The following DLGAP4 variants were observed in gnomAD, a reference collection of about 807,000 sequenced individuals.
The protein encoded by DLGAP4 is disks large-associated protein 4.
Under a neutral mutation model 86.9 loss-of-function variants are expected in DLGAP4, and 18 were observed. The ratio of observed to expected loss-of-function variants is 0.21; its 90% CI spans 0.14 to 0.31. The LOEUF (loss-of-function observed/expected upper bound fraction) is 0.31. DLGAP4 is among the 10% of genes least tolerant of loss of function. DLGAP4 has a pLI of 1.00. For missense variants in DLGAP4, 1,085 were observed against 1,362.6 expected (o/e 0.80, Z 3.21); for synonymous variants, 548 against 574.3 (o/e 0.95, Z 0.65).
intron 1 of DLGAP4, among the ~76,000 whole-genome samples, chr20:36,345,759 A>G (rs564482272): frequency 6.6e-6 from 1 of 151,800 alleles, no homozygotes; most frequent in East Asian, 1.9e-4. Context: ...TCCTGATCCT[A>G]TTACTTTTTT....
At chr20:36,423,450 C>A (rs529970536) in intron 2 of DLGAP4, among the ~76,000 whole-genome samples, 5 of 104,824 alleles carry the variant, frequency 4.8e-5, no homozygotes, top group African/African-American at 2.0e-4. Flanking sequence ...AGCAAGACTC[C>A]GTCTCAAAAA....
At chr20:36,326,392 G>A (rs1245638018) in intron 1 of DLGAP4, among the ~76,000 whole-genome samples, 1 of 151,438 alleles carries the variant, frequency 6.6e-6, no homozygotes, top group Non-Finnish European at 1.5e-5. Flanking sequence ...TTATTTTAGT[G>A]CTTGCAGTAT....
intron 8 of DLGAP4, chr20:36,498,445 A>G (rs1171331183): frequency 6.6e-6 from 1 of 152,284 alleles, no homozygotes; most frequent in East Asian, 1.9e-4. Flanking sequence ...CTTCCCGGAA[A>G]GCCTAAGAGT....
chr20:36,497,688 G>C (rs143343128), intron 8 of DLGAP4: 18 of 976,354 alleles, frequency 1.8e-5, no homozygotes, highest in Non-Finnish European at 2.1e-5. Flanking sequence ...GGGTCCAGGC[G>C]ATGGTTCCCC....
chr20:36,420,582 A>T (rs762318658), intron 2 of DLGAP4, among the ~76,000 whole-genome samples: 1 of 152,174 alleles, frequency 6.6e-6, no homozygotes, highest in Non-Finnish European at 1.5e-5. Context: ...CCACACCTGT[A>T]ATCCCAGCAC....
intron 2 of DLGAP4, among the ~76,000 whole-genome samples, chr20:36,383,924 T>C (rs2031495463): frequency 6.9e-6 from 1 of 145,976 alleles, no homozygotes; most frequent in Admixed American, 7.0e-5. Flanking sequence ...GCAGTGAGCC[T>C]CATGGCACTC....
Position 36,499,663 on chromosome 20 carries a change from G to A in DLGAP4, c.2086G>A (p.Glu696Lys). The A allele has an allele frequency of 6.2e-7, 1 of 1,613,766 alleles. No homozygotes were observed. The highest frequency in any genetic ancestry group is 8.5e-7 in the Non-Finnish European group (1 of 1,179,926). Residue 696 changes from glutamate (E) to lysine (K), a missense_variant, in exon 9 of 13, where the codon GAG becomes AAG. Physicochemically the swap from Glu to Lys is moderately conservative, Grantham distance 56 (BLOSUM62 1). Coordinates refer to ENST00000339266, the MANE Select transcript of DLGAP4 (RefSeq NM_001365621.2). Reference sequence around the variant, plus strand: ...ATTCCAGTCCATCGGGGTTCAGGTAGAGGACGACTGGCGGTAAGTCGGACA... The same window carrying A: ...ATTCCAGTCCATCGGGGTTCAGGTAAAGGACGACTGGCGGTAAGTCGGACA... ...TKFQSIGVQV[E>K]DDWRSSVPSH... is the part of the protein sequence containing the mutation.
rs754330041 is a variant in DLGAP4 at position 36,497,083 on chromosome 20, C to T, written c.2010+17C>T. 2 of 1,572,104 alleles carry T rather than the reference C, an allele frequency of 1.3e-6. No homozygotes were observed. The highest frequency in any genetic ancestry group is 1.7e-6 in the Non-Finnish European group (2 of 1,156,300). ...GGAATACAAGTAGGGGCTCCTTTTG[C>T]ACTCTGTGTCCTCAGCCCACTCCGT... On this transcript the variant is annotated intron_variant, in intron 8 of 12. Coordinates refer to ENST00000339266, the MANE Select transcript of DLGAP4 (RefSeq NM_001365621.2).
intron 8 of DLGAP4, chr20:36,497,756 G>A: frequency 2.3e-6 from 1 of 443,562 alleles, no homozygotes. Flanking sequence ...AGCAGGGCAG[G>A]TGTGCCAGCT....
intron 10 of DLGAP4, among the ~76,000 whole-genome samples, chr20:36,506,886 C>A (rs1259991155): frequency 6.6e-6 from 1 of 152,226 alleles, no homozygotes; most frequent in Non-Finnish European, 1.5e-5. Context: ...TTTGACTATT[C>A]TAGCTACTTC....
In DLGAP4 at chr20:36,432,354, G is replaced by A. The variant is rs139325281; in HGVS notation, c.637G>A (p.Gly213Ser). The A allele has an allele frequency of 8.1e-5, 130 of 1,613,324 alleles. No homozygotes were observed. The Admixed American group carries it at 1.3e-3, about 16-fold the overall frequency. ...GTGGAGCTCCGATGACAACTTGGAC[G>A]GCGAGGCCGGCGCCTTCCGCAGCAG... is the stretch of plus-strand genomic sequence containing the variant. ...GWWSSDDNLD[G>S]EAGAFRSSGP... The change falls in exon 3 of 13, where the codon GGC becomes AGC. Residue 213 changes from glycine (G) to serine (S), a missense_variant. Around this residue, in one of 2 missense-constraint regions of DLGAP4, gnomAD observed 1,082 missense variants for 1,344.1 expected, o/e 0.81. Transcript: ENST00000339266. The surrounding 1 kb of genome is among the most constrained non-coding windows in gnomAD (Gnocchi z 6.5).
intron 1 of DLGAP4, among the ~76,000 whole-genome samples, chr20:36,354,598 G>T (rs573773944): frequency 6.6e-6 from 1 of 152,194 alleles, no homozygotes; most frequent in East Asian, 1.9e-4. Context: ...CTGCACCCAG[G>T]ATCCCCTCAC....
At chr20:36,473,728 G>A (rs1029515177) in intron 7 of DLGAP4, among the ~76,000 whole-genome samples, 1 of 152,156 alleles carries the variant, frequency 6.6e-6, no homozygotes, top group African/African-American at 2.4e-5. Flanking sequence ...GGGATTACAG[G>A]TGTGAGCTAC....
intron 1 of DLGAP4, among the ~76,000 whole-genome samples, chr20:36,316,588 G>A (rs2065102527): frequency 1.3e-5 from 2 of 152,294 alleles, no homozygotes; most frequent in South Asian, 2.1e-4. Context: ...GGCAGAGGCT[G>A]GGGCCTGGCA....
chr20:36,502,110 T>C (rs79665893), intron 10 of DLGAP4, among the ~76,000 whole-genome samples: 1 of 152,346 alleles, frequency 6.6e-6, no homozygotes, highest in African/African-American at 2.4e-5. Flanking sequence ...ACCATTGGCA[T>C]AGATGAGTGT....
chr20:36,461,671 CGGCCCGGCCCTGCCCCG>C, intron 7 of DLGAP4: 2 of 180,470 alleles, frequency 1.1e-5, no homozygotes, highest in Non-Finnish European at 1.9e-5. Flanking sequence ...CCGCCCGGCC[CGGCCCGGCCCTGCCCCG>C]CCCCCGCCCT....
intron 1 of DLGAP4, among the ~76,000 whole-genome samples, chr20:36,340,025 G>T (rs2065362177): frequency 6.6e-6 from 1 of 152,174 alleles, no homozygotes. Flanking sequence ...GTAGCCAGGG[G>T]TGTTGATTAG....
chr20:36,503,286 A>G (rs1040186384), intron 10 of DLGAP4, among the ~76,000 whole-genome samples: 2 of 152,098 alleles, frequency 1.3e-5, no homozygotes, highest in Admixed American at 6.6e-5. Flanking sequence ...TAAACTCACA[A>G]TGGCACTTAG....
intron 6 of DLGAP4, among the ~76,000 whole-genome samples, chr20:36,446,043 C>T (rs2033583725): frequency 6.6e-6 from 1 of 152,218 alleles, no homozygotes; most frequent in Non-Finnish European, 1.5e-5. Flanking sequence ...TCCATACTGT[C>T]CATGGCAGAC....
Sources: allele counts gnomAD v4.1 joint callset (sites outside exome capture counted in the v4.1 genomes callset), GRCh38; gene constraint gnomAD v4.1.1; regional missense constraint gnomAD v4.1.1; non-coding constraint Gnocchi (gnomAD v3.1); transcripts MANE v1.5; gene names NCBI Gene and HGNC (gene_info 2026-07-23, HGNC 2026-07-21).